NELL1: variants seen among roughly 807,000 people sequenced by gnomAD.
NELL1 encodes the protein protein kinase C-binding protein NELL1.
Under a neutral mutation model 107.4 loss-of-function variants are expected in NELL1, and 76 were observed. The ratio of observed to expected loss-of-function variants is 0.71; its 90% CI spans 0.59 to 0.86. NELL1 has a LOEUF of 0.86. Among genes scored for constraint, NELL1 ranks in the 40% least tolerant of loss-of-function variants. The pLI is 0.00. For synonymous variants in NELL1, 353 were observed against 341.2 expected, an observed-to-expected ratio of 1.03 and a Z score of -0.38; for missense variants, 1,024 against 1,005.5, an observed-to-expected ratio of 1.02 and a Z score of -0.25.
At chr11:21,127,426 C>A (rs1259254130) in intron 13 of NELL1, among the ~76,000 whole-genome samples, 1 of 151,960 alleles carries the variant, frequency 6.6e-6, no homozygotes, top group African/African-American at 2.4e-5. Context: ...AGCAATCTGT[C>A]TCTACAAAAG....
intron 14 of NELL1, among the ~76,000 whole-genome samples, chr11:21,297,186 T>C (rs1370210013): frequency 6.6e-6 from 1 of 152,002 alleles, no homozygotes; most frequent in Non-Finnish European, 1.5e-5. Flanking sequence ...CCAGGGTTTC[T>C]GGACATATCG....
intron 14 of NELL1, among the ~76,000 whole-genome samples, chr11:21,368,946 C>T (rs538749182): frequency 6.6e-6 from 1 of 152,010 alleles, no homozygotes; most frequent in African/African-American, 2.4e-5. Context: ...CTAATATCTG[C>T]ACATCCTTAG....
intron 14 of NELL1, among the ~76,000 whole-genome samples, chr11:21,280,686 C>T (rs1411688263): frequency 1.3e-5 from 2 of 152,096 alleles, no homozygotes; most frequent in Non-Finnish European, 2.9e-5. Flanking sequence ...ACAGTCAGAA[C>T]TTGAGTTACT....
intron 13 of NELL1, among the ~76,000 whole-genome samples, chr11:21,168,906 T>C (rs1273810673): frequency 6.6e-6 from 1 of 151,936 alleles, no homozygotes; most frequent in Non-Finnish European, 1.5e-5. Context: ...TTAAACTTCT[T>C]CAGTCCTACG....
intron 12 of NELL1, among the ~76,000 whole-genome samples, chr11:20,992,988 C>T (rs761760397): frequency 6.6e-5 from 10 of 152,126 alleles, no homozygotes; most frequent in Non-Finnish European, 8.8e-5. Context: ...GCAAAAGTGG[C>T]ATTTTTGACC....
chr11:21,161,409 C>T (rs565491212), intron 13 of NELL1, among the ~76,000 whole-genome samples: 4 of 152,112 alleles, frequency 2.6e-5, no homozygotes, highest in African/African-American at 4.8e-5. Context: ...TAGTGGCGCA[C>T]GCCGGTAATC....
intron 12 of NELL1, among the ~76,000 whole-genome samples, chr11:21,090,008 T>G (rs896136582): frequency 6.6e-6 from 1 of 152,148 alleles, no homozygotes; most frequent in Admixed American, 6.6e-5. Context: ...TTACTAGCTA[T>G]AGTGGAGGAG....
chr11:21,047,592 T>A (rs1853387287), intron 12 of NELL1, among the ~76,000 whole-genome samples: 1 of 152,228 alleles, frequency 6.6e-6, no homozygotes, highest in Admixed American at 6.5e-5. Context: ...TCTAAATTTC[T>A]TAAATACTGT....
intron 15 of NELL1, among the ~76,000 whole-genome samples, chr11:21,503,866 T>C (rs778320674): frequency 1.6e-4 from 25 of 152,126 alleles, no homozygotes; most frequent in Middle Eastern, 3.4e-3. Context: ...TTTTTTTTTT[T>C]AAATACAGTA....
chr11:21,367,196 A>G (rs997914799), intron 14 of NELL1, among the ~76,000 whole-genome samples: 2 of 151,952 alleles, frequency 1.3e-5, no homozygotes, highest in Non-Finnish European at 2.9e-5. Flanking sequence ...CCAATCTAAC[A>G]TCTCCTCCAG....
intron 15 of NELL1, among the ~76,000 whole-genome samples, chr11:21,400,425 G>A (rs562449809): frequency 4.2e-4 from 64 of 151,916 alleles, no homozygotes; most frequent in African/African-American, 1.4e-3. Flanking sequence ...ATTAGGAAAC[G>A]CTATGTGACA....
intron 12 of NELL1, among the ~76,000 whole-genome samples, chr11:20,985,460 C>G (rs1011876960): frequency 1.3e-5 from 2 of 152,054 alleles, no homozygotes; most frequent in Non-Finnish European, 2.9e-5. Flanking sequence ...TATGGAAAAT[C>G]TATGACTGCT....
At chr11:21,123,369 G>A (rs949346178) in intron 13 of NELL1, among the ~76,000 whole-genome samples, 3 of 148,984 alleles carry the variant, frequency 2.0e-5, no homozygotes, top group Admixed American at 6.7e-5. Flanking sequence ...GTGTGTGTGC[G>A]TTTCCATGTA....
intron 13 of NELL1, among the ~76,000 whole-genome samples, chr11:21,151,543 C>T (rs1032535978): frequency 1.3e-5 from 2 of 152,096 alleles, no homozygotes; most frequent in Admixed American, 6.5e-5. Context: ...ATGTAATGAC[C>T]TTGGTTAAAT....
At chr11:21,005,183 C>T (rs767687255) in intron 12 of NELL1, among the ~76,000 whole-genome samples, 1 of 152,082 alleles carries the variant, frequency 6.6e-6, no homozygotes, top group Non-Finnish European at 1.5e-5. Flanking sequence ...TTAAAAACAT[C>T]GATATGATGA....
intron 13 of NELL1, among the ~76,000 whole-genome samples, chr11:21,156,158 GAT>G (rs1390339785): frequency 3.9e-5 from 6 of 151,910 alleles, no homozygotes; most frequent in Non-Finnish European, 8.8e-5. Flanking sequence ...GGAGGATGAA[GAT>G]TTAAAGAGAG....
At position 20,925,438 on chromosome 11, in the gene NELL1, CT is replaced by C. The variant is rs869078958; in HGVS notation, c.760-1851del. ...TGGTGGTACCCGCTACCACACCCGG[CT>C]TTTTTTTTTTTTTTTTTTGTATTTG... is the stretch of plus-strand genomic sequence containing the variant. On this transcript the variant is annotated intron_variant, in intron 7 of 19. Coordinates refer to ENST00000357134, the MANE Select transcript of NELL1 (RefSeq NM_006157.5). Among the ~76,000 whole-genome samples, 592 of 122,220 alleles carry C rather than the reference CT, an allele frequency of 4.8e-3. 3 individuals are homozygous for C. The highest frequency in any genetic ancestry group is 5.2e-3 in the Non-Finnish European group (311 of 59,352). The allele number at this position is 122,220 out of a possible 152,430, so 80.2% of individuals were successfully genotyped here. A position where few individuals can be genotyped will look rare whatever the true frequency, so the allele number is the denominator to read the frequency against.
chr11:20,703,740 T>C (rs547138861), intron 2 of NELL1, among the ~76,000 whole-genome samples: 1 of 152,352 alleles, frequency 6.6e-6, no homozygotes, highest in East Asian at 1.9e-4. Flanking sequence ...CATCTTTATT[T>C]CTGCCTTCAT....
intron 15 of NELL1, among the ~76,000 whole-genome samples, chr11:21,523,679 T>C (rs1282370561): frequency 6.6e-6 from 1 of 152,124 alleles, no homozygotes; most frequent in African/African-American, 2.4e-5. Context: ...CTGCTTGCCT[T>C]GGTCTTCCTA....
Sources: allele counts gnomAD v4.1 joint callset (sites outside exome capture counted in the v4.1 genomes callset), GRCh38; gene constraint gnomAD v4.1.1; transcripts MANE v1.5; gene names NCBI Gene and HGNC (gene_info 2026-07-23, HGNC 2026-07-21).